The following RGL3 variants were observed in gnomAD, a reference collection of about 807,000 sequenced individuals.
RGL3 encodes ral guanine nucleotide dissociation stimulator-like 3.
In RGL3, 85 loss-of-function variants were observed where a neutral mutation model predicts 90.6. The observed-to-expected ratio is 0.94, with a 90% CI of 0.79 to 1.12. The LOEUF (loss-of-function observed/expected upper bound fraction) is 1.12, where lower values mean the gene tolerates loss of function less well. RGL3 is among the 50% of genes most tolerant of loss of function. The pLI is 0.00. For missense variants in RGL3, 1,034 were observed against 939.2 expected (o/e 1.10, Z -1.32); for synonymous variants, 408 against 385.5 (o/e 1.06, Z -0.68).
chr19:11,405,077 C>T, intron 9 of RGL3, 70 bp downstream of exon 9: 2 of 1,249,716 alleles, frequency 1.6e-6, no homozygotes, highest in Admixed American at 1.7e-5. Flanking sequence ...GGAGATTACC[C>T]CTGCCTGGCC....
chr19:11,400,279 G>A lies in RGL3; in HGVS notation c.1503C>T (p.Val501=). 1 of 1,594,296 alleles carries A rather than the reference G, an allele frequency of 6.3e-7. No individual in the cohort carries two copies. Among genetic ancestry groups the A allele is most frequent in the East Asian group, 2.3e-5 (1 of 44,074 alleles). Residue 501 remains valine, a synonymous_variant, in exon 14 of 19, where the codon GTC becomes GTT. Coordinates refer to ENST00000380456, the MANE Select transcript of RGL3 (RefSeq NM_001035223.4). ...TEEQSYRLSR[V]IEPPAASCPS... ...GGCAGGAGGCAGCTGGTGGCTCAATGACCCGGGAGAGCCGGTAGCTGAGGG... is the reference window on the plus strand; with the variant it reads ...GGCAGGAGGCAGCTGGTGGCTCAATAACCCGGGAGAGCCGGTAGCTGAGGG...
rs764264148 is a variant in RGL3 at position 11,402,634 on chromosome 19, A to C, written c.1242+16T>G. On this transcript the variant is annotated intron_variant, in intron 10 of 18. Transcript: ENST00000380456. Reference sequence around the variant, plus strand: ...GAAGGTCCCACTTGTCCCCATCCCAAACTGTAATCACTCACTGAGGGCAGG... The same window carrying C: ...GAAGGTCCCACTTGTCCCCATCCCACACTGTAATCACTCACTGAGGGCAGG... 6.2e-7 allele frequency: 1 copy of C among 1,613,760 alleles called. No homozygotes were observed. Among genetic ancestry groups the C allele is most frequent in the South Asian group, 1.1e-5 (1 of 91,060 alleles).
chr19:11,419,002 G>A (rs891727489), intron 1 of RGL3: 1 of 629,132 alleles, frequency 1.6e-6, no homozygotes, highest in Non-Finnish European at 2.7e-6. Context: ...ATTTGGGGAT[G>A]TCCCAGGGCC....
chr19:11,401,083 A>G (rs1276558125), intron 13 of RGL3, among the ~76,000 whole-genome samples: 1 of 152,018 alleles, frequency 6.6e-6, no homozygotes, highest in Non-Finnish European at 1.5e-5. Flanking sequence ...ATGAGGGGTC[A>G]TGAATAAGGT....
In RGL3 at chr19:11,397,469, G is replaced by A. The variant is rs755747168; in HGVS notation, c.1875C>T (p.His625=). ...RVIRVSIDND[H]GNLYRSILLT... ...CCAAGATGCTTCGATACAGGTTCCC[G>A]TGGTCATTGTCGATGCTGACGCGGA... Residue 625 remains histidine (H), a synonymous_variant, in exon 17 of 19, where the codon CAC becomes CAT. Transcript: ENST00000380456. 2 of 1,612,144 alleles carry A rather than the reference G, an allele frequency of 1.2e-6. No homozygotes were observed. The highest frequency in any genetic ancestry group is 1.7e-5 in the Admixed American group (1 of 59,858).
chr19:11,396,156 A>C (rs1470246620), intron 18 of RGL3, among the ~76,000 whole-genome samples: 3 of 51,332 alleles, frequency 5.8e-5, no homozygotes, highest in Admixed American at 2.6e-4. Flanking sequence ...ATATATATAT[A>C]TATTTTTTTT....
At chr19:11,418,916 C>A in intron 1 of RGL3, 132 bp from the exon 2 acceptor site, 2 of 754,378 alleles carry the variant, frequency 2.7e-6, no homozygotes, top group Non-Finnish European at 4.2e-6. Context: ...AGCTGCGAGA[C>A]TAGGGCTGGG....
In RGL3 at chr19:11,397,553, C is replaced by A. The variant is rs971587170; in HGVS notation, c.1791G>T (p.Leu597Phe). 10 of 1,604,948 alleles carry A rather than the reference C, an allele frequency of 6.2e-6. No individual in the cohort carries two copies. In the African/African-American group the frequency reaches 9.4e-5, roughly 15 times the overall value. Residue 597 changes from leucine (L) to phenylalanine (F), a missense_variant, in exon 17 of 19, where the codon TTG becomes TTT. Physicochemically the swap from Leu to Phe is conservative, Grantham distance 22. Transcript: ENST00000380456. The stretch of plus-strand genomic sequence containing the variant: ...GGGGGATTCGAGGGCTGCCCAGAGG[C>A]AAAGCGAAGGGCCGGGGGCTGGGCA... ...LDLPSPRPFA[L>F]PLGSPRIPLP...
At chr19:11,399,768 T>G (rs1599430550) in intron 16 of RGL3, 87 bp downstream of exon 16, 1 of 742,760 alleles carries the variant, frequency 1.3e-6, no homozygotes, top group East Asian at 3.0e-5. Flanking sequence ...CAATCCTGTG[T>G]GTACACATGT....
intron 5 of RGL3, among the ~76,000 whole-genome samples, chr19:11,414,422 T>TATATATATACCTTCATATATATAC (rs1268058104): frequency 1.8e-4 from 23 of 124,334 alleles, no homozygotes; most frequent in African/African-American, 5.7e-4. Flanking sequence ...TATACCTTTA[T>TATATATATACCTTCATATATATAC]ATATATATAC....
At chr19:11,402,319 G>A (rs946076105) in intron 11 of RGL3, 72 bp from the exon 12 acceptor site, 69 of 1,600,532 alleles carry the variant, frequency 4.3e-5, no homozygotes, top group Admixed American at 1.3e-4. Context: ...GGGCTGGGAT[G>A]TCAGGAGCCC....
chr19:11,401,254 G>C (rs940269816), intron 13 of RGL3, among the ~76,000 whole-genome samples: 1 of 149,764 alleles, frequency 6.7e-6, no homozygotes, highest in Non-Finnish European at 1.5e-5. Context: ...TTGAGACAGG[G>C]TCTCACTCTG....
At chr19:11,395,929 CT>C (rs1405224348) in intron 18 of RGL3, among the ~76,000 whole-genome samples, 241 of 133,446 alleles carry the variant, frequency 1.8e-3, no homozygotes, top group South Asian at 5.0e-3. Flanking sequence ...GCCCGGCCCC[CT>C]TTTTTTTTTT....
In RGL3 at chr19:11,416,164, G is replaced by C; in HGVS notation, c.426-16C>G. 2 of 1,517,506 alleles carry C rather than the reference G, an allele frequency of 1.3e-6. No individual in the cohort carries two copies. Among genetic ancestry groups the C allele is most frequent in the South Asian group, 2.6e-5 (2 of 77,062 alleles). The allele number at this position is 1,517,506 out of a possible 1,614,324, so 94.0% of individuals were successfully genotyped here. On this transcript the variant is annotated splice_polypyrimidine_tract_variant and intron_variant, in intron 4 of 18. Transcript: ENST00000380456. The stretch of plus-strand genomic sequence containing the variant: ...CACCACAGCCCTGGCCAGAGAGGCA[G>C]GGTCTCAGAGCTGGGTCCAGAGTGG...
rs961160277 is a variant in RGL3 at position 11,400,238 on chromosome 19, A to T, written c.1544T>A (p.Ile515Asn). The stretch of plus-strand genomic sequence containing the variant: ...CTTGGTGAGGCTGATCCGCCGTCGG[A>T]TGCGTGGGGAGCTGGGGCAGGAGGC... ...PAASCPSSPRIRRRISLTKRL... is the reference protein window; with the variant it reads ...PAASCPSSPRNRRRISLTKRL... The change falls in exon 14 of 19, where the codon ATC (isoleucine) becomes AAC (asparagine). Residue 515 changes from isoleucine (I) to asparagine (N), a missense_variant. Transcript: ENST00000380456. The T allele has an allele frequency of 6.3e-7, 1 of 1,598,708 alleles. No individual in the cohort carries two copies. The highest frequency in any genetic ancestry group is 8.5e-7 in the Non-Finnish European group (1 of 1,172,014).
At chr19:11,406,162 C>G (rs1599435877) in intron 7 of RGL3, among the ~76,000 whole-genome samples, 1 of 152,078 alleles carries the variant, frequency 6.6e-6, no homozygotes, top group African/African-American at 2.4e-5. Flanking sequence ...AGCTGCCCCT[C>G]CAGCCCCTGC....
At chr19:11,398,603 C>T (rs981345418) in intron 16 of RGL3, among the ~76,000 whole-genome samples, 1 of 152,178 alleles carries the variant, frequency 6.6e-6, no homozygotes, top group Admixed American at 6.5e-5. Context: ...GCCTCGGCCT[C>T]CCAAAGTGCT....
intron 9 of RGL3, among the ~76,000 whole-genome samples, chr19:11,403,691 A>C (rs1326742389): frequency 6.6e-6 from 1 of 150,618 alleles, no homozygotes; most frequent in African/African-American, 2.4e-5. Flanking sequence ...CCCACTCTAG[A>C]AGCCAGACCA....
In RGL3 at chr19:11,416,851, G is replaced by A. The variant is rs749593686; in HGVS notation, c.356C>T (p.Pro119Leu). 2.6e-5 allele frequency: 42 copies of A among 1,613,558 alleles called. No homozygotes were observed. In the Middle Eastern group the frequency reaches 9.9e-4, roughly 38 times the overall value. The change falls in exon 3 of 19, where the codon CCG becomes CTG. Residue 119 changes from proline to leucine, a missense_variant. Physicochemically the swap from Pro to Leu is moderately conservative, Grantham distance 98. Transcript: ENST00000380456. Reference protein sequence around the residue: ...LLGFLLPPMPPPPPPGVEIKK... With the variant: ...LLGFLLPPMPLPPPPGVEIKK... ...CGCTACTGACCCGGGAGGTGGGGGC[G>A]GTGGCATTGGTGGCAGCAGAAAGCC...
Sources: gnomAD v4.1 joint callset for allele counts (sites outside exome capture counted in the v4.1 genomes callset) on GRCh38, gnomAD v4.1.1 for gene constraint, MANE v1.5 for transcripts, NCBI Gene and HGNC (gene_info 2026-07-23, HGNC 2026-07-21) for gene names.